The following FNTB variants were observed in gnomAD, a reference collection of about 807,000 sequenced individuals.
FNTB encodes farnesyltransferase, CAAX box, subunit beta.
FNTB carries 27 observed loss-of-function variants against 59.4 expected under a neutral mutation model. The observed-to-expected ratio is 0.45, with a 90% CI of 0.34 to 0.63. The LOEUF is 0.63. FNTB is among the 20% of genes least tolerant of loss of function. FNTB has a pLI of 0.02. For synonymous variants in FNTB, 230 were observed against 220.7 expected (o/e 1.04, Z -0.37); for missense variants, 449 against 559.6 (o/e 0.80, Z 1.99).
At chr14:65,015,084 T>C (rs1325595765) in intron 3 of FNTB, among the ~76,000 whole-genome samples, 1 of 150,954 alleles carries the variant, frequency 6.6e-6, no homozygotes, top group African/African-American at 2.5e-5. Flanking sequence ...TTTTTAATCC[T>C]GTTGTCTTTT....
chr14:65,020,080 C>T (rs1042787395), intron 4 of FNTB, among the ~76,000 whole-genome samples: 1 of 152,222 alleles, frequency 6.6e-6, no homozygotes. Flanking sequence ...GCCCCCTACA[C>T]TTACACAAAG....
At chr14:65,042,149 C>T (rs985669246) in intron 8 of FNTB, among the ~76,000 whole-genome samples, 2 of 151,764 alleles carry the variant, frequency 1.3e-5, no homozygotes, top group African/African-American at 4.8e-5. Flanking sequence ...GCACAAGGGA[C>T]CAGTTTTGTG....
intron 9 of FNTB, among the ~76,000 whole-genome samples, chr14:65,052,037 A>C (rs937736435): frequency 5.9e-5 from 9 of 152,028 alleles, no homozygotes; most frequent in East Asian, 3.9e-4. Context: ...CCTCGTGATC[A>C]ACCCCCCTCA....
intron 7 of FNTB, among the ~76,000 whole-genome samples, chr14:65,035,447 C>G (rs932307979): frequency 6.6e-6 from 1 of 152,174 alleles, no homozygotes; most frequent in East Asian, 1.9e-4. Flanking sequence ...AGACTAGATA[C>G]GGAACTCAGA....
chr14:65,008,427 A>C (rs190316300), intron 2 of FNTB, among the ~76,000 whole-genome samples: 220 of 152,352 alleles, frequency 1.4e-3, no homozygotes, highest in Middle Eastern at 0.014. Flanking sequence ...GAGCAAGGCT[A>C]GCCCTGGGCC....
Position 64,992,413 on chromosome 14 carries a change from T to A in FNTB, c.144+5316T>A, listed in dbSNP as rs73268734. 7.2e-3 allele frequency among the ~76,000 whole-genome samples: 1,103 copies of A among 152,326 alleles called. 11 individuals carry two copies. Among genetic ancestry groups the A allele is most frequent in the African/African-American group, 0.02 (817 of 41,580 alleles). ...AATTTAGAAATGCTGGTTTTCCTCCTCTTCTTATTTATAAAATGTTTCTTT... is the reference window on the plus strand; with the variant it reads ...AATTTAGAAATGCTGGTTTTCCTCCACTTCTTATTTATAAAATGTTTCTTT... On this transcript the variant is annotated intron_variant, in intron 1 of 11. Transcript: ENST00000246166.
At chr14:65,008,439 G>A (rs898909470) in intron 2 of FNTB, among the ~76,000 whole-genome samples, 1 of 152,232 alleles carries the variant, frequency 6.6e-6, no homozygotes, top group African/African-American at 2.4e-5. Flanking sequence ...CCCTGGGCCT[G>A]CCCCTGCTGG....
chr14:65,015,713 C>G lies in FNTB; in HGVS notation c.371C>G (p.Thr124Arg). The G allele has an allele frequency of 2.5e-6, 4 of 1,613,972 alleles. No homozygotes were observed. The highest frequency in any genetic ancestry group is 3.4e-6 in the Non-Finnish European group (4 of 1,179,898). Residue 124 changes from threonine to arginine, a missense_variant, in exon 4 of 12, where the codon ACA becomes AGA. Thr to Arg is a moderately conservative substitution (Grantham distance 71). This residue lies in a region of FNTB where 337 missense variants were observed against 479.1 expected (regional missense o/e 0.70). Coordinates refer to ENST00000246166, the MANE Select transcript of FNTB (RefSeq NM_002028.4). ...GAACCCATCCCCCAGATAGTGGCTA[C>G]AGAGTGAGTCTGTCTTTGGGAAATC... ...LDEPIPQIVATDVCQFLELCQ... is the reference protein window; with the variant it reads ...LDEPIPQIVARDVCQFLELCQ...
chr14:65,007,950 G>A lies in FNTB; in HGVS notation c.209+3637G>A, dbSNP rs1293035079. ...AGTGCTGACAATGGCTCTGAAGCCA[G>A]AATACTCTGAGTTAAAGTCCTCAAA... On this transcript the variant is annotated intron_variant, in intron 2 of 11. Transcript: ENST00000246166. This position sits in a 1 kb window ranked among gnomAD's most constrained non-coding sequence, Gnocchi z 4.9. Among the ~76,000 whole-genome samples the A allele has an allele frequency of 6.6e-6, 1 of 152,148 alleles. No individual in the cohort carries two copies. The highest frequency in any genetic ancestry group is 2.4e-5 in the African/African-American group (1 of 41,426).
At chr14:65,006,035 C>T in intron 2 of FNTB, 1 of 1,182,212 alleles carries the variant, frequency 8.5e-7, no homozygotes, top group South Asian at 1.5e-5. Flanking sequence ...TTTCCTCCTT[C>T]ATCATGTCTC....
At chr14:65,006,627 C>T (rs749629867) in intron 2 of FNTB, among the ~76,000 whole-genome samples, 9 of 152,198 alleles carry the variant, frequency 5.9e-5, no homozygotes, top group Non-Finnish European at 8.8e-5. Flanking sequence ...CGATGACTCA[C>T]CCGATCGGGC....
chr14:64,989,749 A>G (rs1015746861), intron 1 of FNTB, among the ~76,000 whole-genome samples: 1 of 152,186 alleles, frequency 6.6e-6, no homozygotes, highest in African/African-American at 2.4e-5. Flanking sequence ...TGTTCTAGAC[A>G]CTCGGCATAA....
In FNTB at chr14:65,032,779, G is replaced by A; in HGVS notation, c.692+83G>A. 7.3e-7 allele frequency: 1 copy of A among 1,368,060 alleles called. No homozygotes were observed. The highest frequency in any genetic ancestry group is 2.5e-5 in the East Asian group (1 of 39,518). 84.7% of individuals were successfully genotyped at this position (1,368,060 alleles called of 1,614,324 possible). On this transcript the variant is annotated intron_variant, in intron 7 of 11. Coordinates refer to ENST00000246166, the MANE Select transcript of FNTB (RefSeq NM_002028.4). This position sits in a 1 kb window ranked among gnomAD's most constrained non-coding sequence, Gnocchi z 5.0. ...TTCAGAAAAATAAAGAAAATGCAGA[G>A]GGACTTGGAAGGAAATACAAAAATC...
chr14:65,020,904 G>A (rs2139548452), intron 4 of FNTB, among the ~76,000 whole-genome samples: 1 of 150,868 alleles, frequency 6.6e-6, no homozygotes, highest in Admixed American at 6.6e-5. Context: ...GCTAATTTTT[G>A]TATTTTGTAA....
intron 7 of FNTB, among the ~76,000 whole-genome samples, chr14:65,035,605 C>A (rs1235188566): frequency 6.6e-6 from 1 of 152,088 alleles, no homozygotes; most frequent in Non-Finnish European, 1.5e-5. Context: ...TCACAGCTCG[C>A]TGCAGCCACC....
At chr14:65,037,097 T>C (rs2062209717) in intron 7 of FNTB, among the ~76,000 whole-genome samples, 1 of 151,906 alleles carries the variant, frequency 6.6e-6, no homozygotes, top group South Asian at 2.1e-4. Context: ...GTTTTCTGTG[T>C]TTGCTCTTTT....
intron 1 of FNTB, among the ~76,000 whole-genome samples, chr14:65,002,774 G>C (rs1424029991): frequency 6.6e-6 from 1 of 152,018 alleles, no homozygotes; most frequent in Non-Finnish European, 1.5e-5. Flanking sequence ...GAAGTGCGGA[G>C]TGAGGAGTTT....
In FNTB at chr14:65,023,956, G is replaced by A. The variant is rs1455849079; in HGVS notation, c.375-3497G>A. Among the ~76,000 whole-genome samples, 1 of 152,070 alleles carries A rather than the reference G, an allele frequency of 6.6e-6. No individual in the cohort carries two copies. The highest frequency in any genetic ancestry group is 2.4e-5 in the African/African-American group (1 of 41,416). ...ACTCTACTAAAAAATACAAAAATTA[G>A]CTGGGCGTGGCGGCATGCACCTGTA... On this transcript the variant is annotated intron_variant, in intron 4 of 11. Transcript: ENST00000246166. The surrounding 1 kb of genome is among the most constrained non-coding windows in gnomAD (Gnocchi z 4.1).
rs1372427436 is a variant in FNTB, at chr14:65,001,489, A to G, written c.145-2760A>G. ...GTTCCCACCATGATGAAATCACCTAAGAAGGCGTCTCTCAGAATGTATCCC... is the reference window on the plus strand; with the variant it reads ...GTTCCCACCATGATGAAATCACCTAGGAAGGCGTCTCTCAGAATGTATCCC... On this transcript the variant is annotated intron_variant, in intron 1 of 11. Transcript: ENST00000246166. The surrounding 1 kb of genome is among the most constrained non-coding windows in gnomAD (Gnocchi z 5.5). Among the ~76,000 whole-genome samples the G allele has an allele frequency of 6.6e-6, 1 of 152,172 alleles. No homozygotes were observed. The highest frequency in any genetic ancestry group is 1.9e-4 in the East Asian group (1 of 5,198).
Sources: allele counts gnomAD v4.1 joint callset (sites outside exome capture counted in the v4.1 genomes callset), GRCh38; gene constraint gnomAD v4.1.1; regional missense constraint gnomAD v4.1.1; non-coding constraint Gnocchi (gnomAD v3.1); transcripts MANE v1.5; gene names NCBI Gene and HGNC (gene_info 2026-07-23, HGNC 2026-07-21).